RBMS3: variants seen among roughly 807,000 people sequenced by gnomAD.
RBMS3 encodes RNA binding motif single stranded interacting protein 3.
A neutral mutation model predicts 66.8 loss-of-function variants in RBMS3; 27 were observed. That is an observed-to-expected ratio of 0.40 (90% CI 0.30 to 0.56). The LOEUF is 0.56. RBMS3 is among the 20% of genes least tolerant of loss of function. The pLI is 0.40. For missense variants in RBMS3, 513 were observed against 549.5 expected (o/e 0.93, Z 0.66); for synonymous variants, 188 against 183.0 (o/e 1.03, Z -0.22).
chr3:29,477,443 G>C (rs1005528875), intron 2 of RBMS3, among the ~76,000 whole-genome samples: 1 of 134,176 alleles, frequency 7.5e-6, no homozygotes, highest in Non-Finnish European at 1.6e-5. Context: ...TGTGTGTAGG[G>C]TCAGGGATAT....
chr3:29,709,113 C>T (rs1235516822), intron 4 of RBMS3, among the ~76,000 whole-genome samples: 7 of 152,166 alleles, frequency 4.6e-5, no homozygotes, highest in African/African-American at 1.4e-4. Flanking sequence ...CCTTACGTTC[C>T]CTTTCACAGG....
chr3:29,366,901 A>G (rs1262314826), intron 1 of RBMS3, among the ~76,000 whole-genome samples: 2 of 152,174 alleles, frequency 1.3e-5, no homozygotes, highest in East Asian at 3.9e-4. Flanking sequence ...TCAGTCTCTA[A>G]TAGAAAAGCA....
At chr3:29,545,698 CTT>C (rs569450606) in intron 3 of RBMS3, among the ~76,000 whole-genome samples, 1 of 151,930 alleles carries the variant, frequency 6.6e-6, no homozygotes, top group Admixed American at 6.6e-5. Flanking sequence ...GCCTTCTTGT[CTT>C]TTTTTTGTTT....
At chr3:29,403,510 A>C (rs1038467243) in intron 1 of RBMS3, among the ~76,000 whole-genome samples, 3 of 152,024 alleles carry the variant, frequency 2.0e-5, no homozygotes, top group African/African-American at 7.2e-5. Flanking sequence ...GGGAAAAGCC[A>C]ATCTAGAACA....
chr3:29,456,157 G>A (rs1272843144), intron 2 of RBMS3, among the ~76,000 whole-genome samples: 2 of 152,120 alleles, frequency 1.3e-5, no homozygotes, highest in African/African-American at 4.8e-5. Context: ...CATGGAAATA[G>A]GCTTAGTTTC....
At chr3:29,320,339 C>T (rs563254033) in intron 1 of RBMS3, among the ~76,000 whole-genome samples, 1 of 152,074 alleles carries the variant, frequency 6.6e-6, no homozygotes, top group South Asian at 2.1e-4. Flanking sequence ...TATCAAACTC[C>T]TTTTAAATGC....
chr3:29,559,585 C>G (rs968233630), intron 3 of RBMS3, among the ~76,000 whole-genome samples: 1 of 116,902 alleles, frequency 8.6e-6, no homozygotes, highest in Non-Finnish European at 1.7e-5. Context: ...TTTAAAAGTT[C>G]TGAAGAGTCT....
At chr3:29,566,136 T>C (rs1259591340) in intron 3 of RBMS3, among the ~76,000 whole-genome samples, 1 of 152,192 alleles carries the variant, frequency 6.6e-6, no homozygotes, top group Admixed American at 6.5e-5. Context: ...TAAGATGATA[T>C]AGTTACAAAC....
intron 14 of RBMS3, among the ~76,000 whole-genome samples, 159 bp from the exon 15 acceptor site, chr3:30,003,697 G>A (rs557120299): frequency 1.5e-4 from 23 of 152,054 alleles, no homozygotes; most frequent in African/African-American, 5.3e-4. Flanking sequence ...GGCAGAATTT[G>A]ACAATCTCAT....
intron 3 of RBMS3, among the ~76,000 whole-genome samples, chr3:29,507,897 C>T (rs2044245038): frequency 6.6e-6 from 1 of 152,044 alleles, no homozygotes; most frequent in Non-Finnish European, 1.5e-5. Flanking sequence ...AAAAAATTCT[C>T]CTATCTATAA....
chr3:29,581,248 T>C (rs542952548), intron 3 of RBMS3, among the ~76,000 whole-genome samples: 1 of 152,326 alleles, frequency 6.6e-6, no homozygotes, highest in East Asian at 1.9e-4. Context: ...TTCTTGTTGT[T>C]TTAAAAGAAA....
chr3:29,831,678 A>G (rs1351436308), intron 6 of RBMS3, among the ~76,000 whole-genome samples: 1 of 152,158 alleles, frequency 6.6e-6, no homozygotes. Context: ...TTACCAAAGA[A>G]AAGCAGAAAT....
At chr3:29,803,102 T>C (rs994923535) in intron 6 of RBMS3, among the ~76,000 whole-genome samples, 1 of 152,138 alleles carries the variant, frequency 6.6e-6, no homozygotes, top group African/African-American at 2.4e-5. Flanking sequence ...AATGTCCTTC[T>C]TGGGCAAATG....
intron 4 of RBMS3, among the ~76,000 whole-genome samples, chr3:29,667,089 A>G (rs1419343657): frequency 6.6e-6 from 1 of 152,320 alleles, no homozygotes; most frequent in East Asian, 1.9e-4. Flanking sequence ...CTGCTGCAAA[A>G]ATATCTGGGA....
chr3:29,765,938 T>C lies in RBMS3; in HGVS notation c.637+2949T>C, dbSNP rs191265810. 145 of 155,368 alleles carry C rather than the reference T, an allele frequency of 9.3e-4. 2 individuals are homozygous for C. Among genetic ancestry groups the C allele is most frequent in the Admixed American group, 7.9e-3 (121 of 15,274 alleles). The allele number at this position is 155,368 out of a possible 1,614,324, so 9.6% of individuals were successfully genotyped here. ...TGCAGGCAAACTTCCCATTTTAAAA[T>C]GATCAGATCTCATGAGACTTATTCA... On this transcript the variant is annotated intron_variant, in intron 6 of 14. Coordinates refer to ENST00000383767, the MANE Select transcript of RBMS3 (RefSeq NM_001003793.3).
At chr3:29,384,175 G>C (rs2038897623) in intron 1 of RBMS3, among the ~76,000 whole-genome samples, 1 of 151,944 alleles carries the variant, frequency 6.6e-6, no homozygotes, top group South Asian at 2.1e-4. Context: ...AATTAGCCAG[G>C]CATGGTGAGA....
At chr3:29,742,010 C>T (rs1385223921) in intron 5 of RBMS3, among the ~76,000 whole-genome samples, 1 of 152,108 alleles carries the variant, frequency 6.6e-6, no homozygotes, top group African/African-American at 2.4e-5. Flanking sequence ...GTTAGGACTT[C>T]AACATATGAG....
intron 11 of RBMS3, among the ~76,000 whole-genome samples, chr3:29,940,116 A>G (rs1231119000): frequency 1.3e-5 from 2 of 151,852 alleles, no homozygotes; most frequent in African/African-American, 4.8e-5. Flanking sequence ...ATTTTCTCTC[A>G]TAGACATTGG....
At chr3:29,432,927 G>A (rs1321354362) in intron 1 of RBMS3, among the ~76,000 whole-genome samples, 1 of 152,096 alleles carries the variant, frequency 6.6e-6, no homozygotes, top group South Asian at 2.1e-4. Flanking sequence ...TTTGTAATAA[G>A]TTTGGTGGGA....
Sources: gnomAD v4.1 joint callset for allele counts (sites outside exome capture counted in the v4.1 genomes callset) on GRCh38, gnomAD v4.1.1 for gene constraint, MANE v1.5 for transcripts, NCBI Gene and HGNC (gene_info 2026-07-23, HGNC 2026-07-21) for gene names.